Variants in ZGRF1 observed in about 807,000 individuals in gnomAD.
ZGRF1 encodes the protein zinc finger GRF-type containing 1, also known as 5'-3' DNA helicase ZGRF1.
A neutral mutation model predicts 203.5 loss-of-function variants in ZGRF1; 196 were observed. The observed-to-expected ratio is 0.96, with a 90% CI of 0.86 to 1.08. The LOEUF (loss-of-function observed/expected upper bound fraction) is 1.08, where lower values mean the gene tolerates loss of function less well. Among genes scored for constraint, ZGRF1 ranks in the 50% least tolerant of loss-of-function variants. ZGRF1 has a pLI of 0.00. For synonymous variants in ZGRF1, 809 were observed against 841.3 expected, an observed-to-expected ratio of 0.96 and a Z score of 0.66; for missense variants, 2,326 against 2,416.3, an observed-to-expected ratio of 0.96 and a Z score of 0.78.
At position 112,565,390 on chromosome 4, in the gene ZGRF1, T is replaced by C. The variant is rs2148912201; in HGVS notation, c.4439-2116A>G. ...GCTAGCATGCCACATACGTTGAGAA[T>C]GTGCTTTAGAATCCACTATGATGGG... On this transcript the variant is annotated intron_variant, in intron 16 of 27. Coordinates refer to ENST00000505019, the MANE Select transcript of ZGRF1 (RefSeq NM_018392.5). 4 of 942,410 alleles carry C rather than the reference T, an allele frequency of 4.2e-6. No homozygotes were observed. The East Asian group carries it at 7.2e-5, about 17-fold the overall frequency. 58.4% of individuals were successfully genotyped at this position (942,410 alleles called of 1,614,324 possible). A position where few individuals can be genotyped will look rare whatever the true frequency, so the allele number is the denominator to read the frequency against.
chr4:112,612,034 C>T (rs932811024), intron 7 of ZGRF1, among the ~76,000 whole-genome samples: 1 of 151,516 alleles, frequency 6.6e-6, no homozygotes, highest in South Asian at 2.1e-4. Context: ...GGCATGATCT[C>T]GGCTCACTGC....
At chr4:112,635,146 A>T (rs964557464) in intron 1 of ZGRF1, among the ~76,000 whole-genome samples, 4 of 151,824 alleles carry the variant, frequency 2.6e-5, no homozygotes, top group African/African-American at 9.7e-5. Context: ...AAAAAAAAAA[A>T]AGAAATACAA....
chr4:112,551,684 G>A (rs1739987057), intron 22 of ZGRF1, among the ~76,000 whole-genome samples: 1 of 152,010 alleles, frequency 6.6e-6, no homozygotes, highest in Non-Finnish European at 1.5e-5. Flanking sequence ...TCAAGCTTTG[G>A]TGCCACTCTG....
rs113896644 is a variant in ZGRF1, at chr4:112,558,252, T to C, written c.5018A>G (p.Gln1673Arg). The C allele has an allele frequency of 1.3e-6, 2 of 1,598,200 alleles. No individual in the cohort carries two copies. The highest frequency in any genetic ancestry group is 2.3e-5 in the South Asian group (2 of 87,626). Reference sequence around the variant, plus strand: ...GGGAGCTTCACTCTTTTCAAACAGCTGTACAAAGAACAAAATCACCACTGC... The same window carrying C: ...GGGAGCTTCACTCTTTTCAAACAGCCGTACAAAGAACAAAATCACCACTGC... ...LLAVVILFFV[Q>R]LFEKSEAPTI... Residue 1673 changes from glutamine (Q) to arginine (R), a missense_variant, in exon 20 of 28, where the codon CAG becomes CGG. By Grantham distance (43) the Gln-to-Arg change is conservative. Coordinates refer to ENST00000505019, the MANE Select transcript of ZGRF1 (RefSeq NM_018392.5).
intron 10 of ZGRF1, among the ~76,000 whole-genome samples, chr4:112,593,365 T>C (rs970367715): frequency 7.9e-5 from 12 of 152,178 alleles, no homozygotes; most frequent in Admixed American, 1.3e-4. Context: ...ATCAAAGCAT[T>C]CTCTTAACTG....
chr4:112,588,190 C>T (rs1187157423), intron 11 of ZGRF1, among the ~76,000 whole-genome samples: 8 of 151,352 alleles, frequency 5.3e-5, no homozygotes, highest in Admixed American at 4.6e-4. Context: ...TTCCTAATTA[C>T]TAAATTATGT....
chr4:112,573,403 A>T (rs1270203939), intron 16 of ZGRF1, among the ~76,000 whole-genome samples: 1 of 152,050 alleles, frequency 6.6e-6, no homozygotes, highest in Non-Finnish European at 1.5e-5. Flanking sequence ...GACTCAGGGG[A>T]AAGGGTAAGG....
Position 112,579,928 on chromosome 4 carries a change from A to G in ZGRF1, c.4438+1735T>C, listed in dbSNP as rs1481116442. Among the ~76,000 whole-genome samples, 3 of 123,198 alleles carry G rather than the reference A, an allele frequency of 2.4e-5. 1 individual carries two copies. The highest frequency in any genetic ancestry group is 6.1e-4 in the South Asian group (2 of 3,274). The allele number at this position is 123,198 out of a possible 152,430, so 80.8% of individuals were successfully genotyped here. A position where few individuals can be genotyped will look rare whatever the true frequency, so the allele number is the denominator to read the frequency against. Reference sequence around the variant, plus strand: ...ACAGAATTGGAAAAAACTACTTTGAAGTTCACATGGAACCAAAAAAGAGCC... The same window carrying G: ...ACAGAATTGGAAAAAACTACTTTGAGGTTCACATGGAACCAAAAAAGAGCC... On this transcript the variant is annotated intron_variant, in intron 16 of 27. Transcript: ENST00000505019.
intron 19 of ZGRF1, 30 bp downstream of exon 19, chr4:112,560,703 A>G: frequency 6.6e-7 from 1 of 1,525,906 alleles, no homozygotes; most frequent in East Asian, 2.3e-5. Context: ...ATAGAAAACA[A>G]TTACAATTAT....
intron 24 of ZGRF1, among the ~76,000 whole-genome samples, chr4:112,543,632 C>G (rs1021885286): frequency 5.3e-5 from 8 of 152,024 alleles, no homozygotes; most frequent in African/African-American, 1.7e-4. Context: ...TTTGTTAAAA[C>G]AGGGAGGGAA....
intron 8 of ZGRF1, among the ~76,000 whole-genome samples, chr4:112,608,204 G>A (rs1188265590): frequency 6.6e-6 from 1 of 152,166 alleles, no homozygotes; most frequent in African/African-American, 2.4e-5. Context: ...ACGGGCCACT[G>A]CTCCCGGCTT....
intron 6 of ZGRF1, among the ~76,000 whole-genome samples, chr4:112,616,753 C>T (rs1244551233): frequency 1.3e-5 from 2 of 151,324 alleles, no homozygotes; most frequent in Admixed American, 6.6e-5. Context: ...AGGAGAATCA[C>T]TTGAACCCAG....
At chr4:112,584,630 C>G (rs556204285) in intron 14 of ZGRF1, among the ~76,000 whole-genome samples, 1 of 152,118 alleles carries the variant, frequency 6.6e-6, no homozygotes, top group African/African-American at 2.4e-5. Flanking sequence ...CAACATAGTA[C>G]GAGCATGCAA....
At position 112,539,992 on chromosome 4, in the gene ZGRF1, C is replaced by G; in HGVS notation, c.6043G>C (p.Gly2015Arg). The change falls in exon 27 of 28, where the codon GGA becomes CGA. Residue 2015 changes from glycine (G) to arginine (R), a missense_variant. Transcript: ENST00000505019. ...ILSCVRTRQV[G>R]FIDSEKRMNV... ...ATTCTTTTTTCTGAATCAATGAATCCTACTTGTCTTGTCCTTACACAGGAC... is the reference window on the plus strand; with the variant it reads ...ATTCTTTTTTCTGAATCAATGAATCGTACTTGTCTTGTCCTTACACAGGAC... 6.2e-7 allele frequency: 1 copy of G among 1,613,656 alleles called. No homozygotes were observed. Among genetic ancestry groups the G allele is most frequent in the Non-Finnish European group, 8.5e-7 (1 of 1,179,776 alleles).
Position 112,592,247 on chromosome 4 carries a change from G to A in ZGRF1, c.2977-2373C>T, listed in dbSNP as rs1748302853. Reference sequence around the variant, plus strand: ...TGAGTAGCTGGGACTACAGGCGTGTGCCACCACCCCAGGCTAATTTTTGTG... The same window carrying A: ...TGAGTAGCTGGGACTACAGGCGTGTACCACCACCCCAGGCTAATTTTTGTG... On this transcript the variant is annotated intron_variant, in intron 10 of 27. Transcript: ENST00000505019. Among the ~76,000 whole-genome samples, 4 of 152,024 alleles carry A rather than the reference G, an allele frequency of 2.6e-5. No homozygotes were observed. The Middle Eastern group carries it at 0.014, about 521-fold the overall frequency.
At position 112,615,062 on chromosome 4, in the gene ZGRF1, T is replaced by C. The variant is rs149612920; in HGVS notation, c.2602+2378A>G. ...TTACGTATTCATAAATTAATGAAAA[T>C]GTTCTGACCACAGGCTTGCAGGAAC... On this transcript the variant is annotated intron_variant, in intron 6 of 27. Transcript: ENST00000505019. Among the ~76,000 whole-genome samples, 855 of 152,210 alleles carry C rather than the reference T, an allele frequency of 5.6e-3. 15 individuals carry two copies. The highest frequency in any genetic ancestry group is 0.018 in the African/African-American group (762 of 41,530).
Position 112,618,319 on chromosome 4 carries a change from T to A in ZGRF1, c.1723A>T (p.Arg575Trp). The A allele has an allele frequency of 6.2e-7, 1 of 1,613,928 alleles. No individual in the cohort carries two copies. The highest frequency in any genetic ancestry group is 1.1e-5 in the South Asian group (1 of 91,042). Reference sequence around the variant, plus strand: ...TCTTCACAGTTTGTATTCTCAGACCTCTTTTGAAAACATGAATTGCCATCA... The same window carrying A: ...TCTTCACAGTTTGTATTCTCAGACCACTTTTGAAAACATGAATTGCCATCA... Reference protein sequence around the residue: ...VNDGNSCFQKRSENTNCEEIE... With the variant: ...VNDGNSCFQKWSENTNCEEIE... The change falls in exon 6 of 28, where the codon AGG becomes TGG. Residue 575 changes from arginine to tryptophan, a missense_variant. Transcript: ENST00000505019.
chr4:112,574,753 C>T (rs533526586), intron 16 of ZGRF1, among the ~76,000 whole-genome samples: 5 of 152,006 alleles, frequency 3.3e-5, no homozygotes, highest in East Asian at 1.9e-4. Context: ...CAATGCTGGC[C>T]GGGCATGGTG....
chr4:112,601,761 T>A (rs1042887424), intron 10 of ZGRF1, among the ~76,000 whole-genome samples: 1 of 151,596 alleles, frequency 6.6e-6, no homozygotes, highest in Non-Finnish European at 1.5e-5. Flanking sequence ...AAAAGAAAAA[T>A]TTTTGATTCA....
Sources: allele counts gnomAD v4.1 joint callset (sites outside exome capture counted in the v4.1 genomes callset), GRCh38; gene constraint gnomAD v4.1.1; transcripts MANE v1.5; gene names NCBI Gene and HGNC (gene_info 2026-07-23, HGNC 2026-07-21).